Variants in MTRR observed in about 807,000 individuals in gnomAD.
MTRR encodes the protein 5-methyltetrahydrofolate-homocysteine methyltransferase reductase, also known as methionine synthase reductase.
A neutral mutation model predicts 79.2 loss-of-function variants in MTRR; 63 were observed. That is an observed-to-expected ratio of 0.80 (90% CI 0.65 to 0.98). The LOEUF (loss-of-function observed/expected upper bound fraction) is 0.98. MTRR is among the 50% of genes least tolerant of loss of function. The pLI, the probability that MTRR is intolerant of heterozygous loss-of-function variation, is 0.00. For synonymous variants in MTRR, 355 were observed against 313.3 expected, an observed-to-expected ratio of 1.13 and a Z score of -1.41; for missense variants, 895 against 839.6, an observed-to-expected ratio of 1.07 and a Z score of -0.82.
chr5:7,897,309 A>G (rs2126815450), intron 14 of MTRR, 62 bp downstream of exon 14: 3 of 1,551,536 alleles, frequency 1.9e-6, no homozygotes, highest in East Asian at 2.2e-5. Context: ...TGTAGAAGAA[A>G]AAAAGGACCG....
intron 2 of MTRR, among the ~76,000 whole-genome samples, chr5:7,863,480 T>C (rs891750881): frequency 2.6e-5 from 4 of 152,220 alleles, no homozygotes; most frequent in Non-Finnish European, 5.9e-5. Flanking sequence ...AAAATGCTCA[T>C]GAAGCATTCT....
At chr5:7,856,323 A>T (rs1746246240) in intron 1 of MTRR, among the ~76,000 whole-genome samples, 1 of 152,162 alleles carries the variant, frequency 6.6e-6, no homozygotes, top group African/African-American at 2.4e-5. Context: ...GGCTTTAGAG[A>T]ACAAAGTTTC....
At chr5:7,878,389 T>G (rs188011076) in intron 5 of MTRR, 67 bp downstream of exon 5, 8 of 1,584,238 alleles carry the variant, frequency 5.0e-6, no homozygotes, top group Middle Eastern at 3.4e-4. Flanking sequence ...GGCTTTTAAA[T>G]TATTATTACA....
intron 2 of MTRR, among the ~76,000 whole-genome samples, chr5:7,863,918 T>C (rs1746740273): frequency 6.6e-6 from 1 of 152,280 alleles, no homozygotes; most frequent in Middle Eastern, 3.4e-3. Flanking sequence ...TGACGCGACC[T>C]CGGCTCACTG....
At chr5:7,877,383 A>T (rs1047609205) in intron 4 of MTRR, among the ~76,000 whole-genome samples, 1 of 152,150 alleles carries the variant, frequency 6.6e-6, no homozygotes, top group African/African-American at 2.4e-5. Flanking sequence ...CTAAAATAAA[A>T]AAATAAATAA....
chr5:7,879,989 A>C (rs1469571706), intron 5 of MTRR, among the ~76,000 whole-genome samples: 1 of 152,214 alleles, frequency 6.6e-6, no homozygotes, highest in Non-Finnish European at 1.5e-5. Flanking sequence ...ACAGATCCTG[A>C]AGAGACTTAG....
chr5:7,866,100 T>C (rs1216610540), upstream of MTRR: 1 of 734,320 alleles, frequency 1.4e-6, no homozygotes, highest in African/African-American at 1.7e-5. Flanking sequence ...TATTTTTAAA[T>C]GACACTATGA....
At position 7,892,728 on chromosome 5, in the gene MTRR, T is replaced by G; in HGVS notation, c.1372T>G (p.Ser458Ala). ...AAACTTGTCTGTGTATCTTTGCAGC[T>G]CAAGTTTATTTCACCCAGGAAAGCT... ...LQPRPYSCASSSLFHPGKLHF... is the reference protein window; with the variant it reads ...LQPRPYSCASASLFHPGKLHF... The change falls in exon 11 of 15, where the codon TCA (serine) becomes GCA (alanine). Residue 458 changes from serine to alanine, a missense_variant and splice_region_variant. Ser to Ala is a moderately conservative substitution (Grantham distance 99, BLOSUM62 1). Transcript: ENST00000440940. The G allele has an allele frequency of 1.2e-6, 2 of 1,614,208 alleles. No individual in the cohort carries two copies. The highest frequency in any genetic ancestry group is 2.2e-5 in the South Asian group (2 of 91,088).
intron 1 of MTRR, chr5:7,861,876 A>C: frequency 1.2e-6 from 1 of 856,224 alleles, no homozygotes; most frequent in Non-Finnish European, 1.6e-6. Flanking sequence ...AATAACGCTA[A>C]ACCACAGAAT....
exon 1 of MTRR, chr5:7,851,282 C>T (rs1746073393): frequency 5.3e-6 from 2 of 374,406 alleles, no homozygotes; most frequent in Non-Finnish European, 9.4e-6. Context: ...CGGGAGGAGC[C>T]CGACTGGGAG....
At chr5:7,873,756 G>T (rs1351072153) in intron 3 of MTRR, among the ~76,000 whole-genome samples, 1 of 152,146 alleles carries the variant, frequency 6.6e-6, no homozygotes, top group Non-Finnish European at 1.5e-5. Context: ...TTTTAATTAA[G>T]GATGCACCTC....
intron 1 of MTRR, among the ~76,000 whole-genome samples, chr5:7,857,764 T>C (rs1482535132): frequency 6.6e-6 from 1 of 152,164 alleles, no homozygotes; most frequent in African/African-American, 2.4e-5. Context: ...GAGCATTGAG[T>C]GTGCCCAGCG....
chr5:7,878,741 T>G (rs1735005762), intron 5 of MTRR, among the ~76,000 whole-genome samples: 1 of 152,274 alleles, frequency 6.6e-6, no homozygotes, highest in South Asian at 2.1e-4. Flanking sequence ...AGATGAGTTG[T>G]GTGGGCAGTG....
rs550726711 is a variant in MTRR at position 7,880,804 on chromosome 5, G to C, written c.781-2351G>C. On this transcript the variant is annotated intron_variant, in intron 5 of 14. Transcript: ENST00000440940. ...GTCCTGGGCCAGGACGCCATTTACC[G>C]CCTGGCCCCCATGTGCCTTGCTGTC... Among the ~76,000 whole-genome samples the C allele has an allele frequency of 3.3e-5, 5 of 152,252 alleles. No individual in the cohort carries two copies. The East Asian group carries it at 9.7e-4, about 29-fold the overall frequency.
intron 1 of MTRR, among the ~76,000 whole-genome samples, chr5:7,853,822 T>G (rs1005371849): frequency 1.3e-5 from 2 of 152,090 alleles, no homozygotes; most frequent in African/African-American, 4.8e-5. Context: ...GTGTCTTGCC[T>G]CCTTGGTGTC....
At chr5:7,883,761 C>T (rs1735974673) in intron 6 of MTRR, among the ~76,000 whole-genome samples, 1 of 152,108 alleles carries the variant, frequency 6.6e-6, no homozygotes, top group Non-Finnish European at 1.5e-5. Flanking sequence ...GAGATTCAGC[C>T]TGAGAGGAAG....
intron 9 of MTRR, chr5:7,890,447 T>G (rs1176832777): frequency 2.0e-6 from 2 of 976,750 alleles, no homozygotes; most frequent in Non-Finnish European, 2.4e-6. Flanking sequence ...AAAGTTCTCT[T>G]ATCGCATACT....
At chr5:7,857,979 C>T (rs1044944860) in intron 1 of MTRR, among the ~76,000 whole-genome samples, 1 of 152,208 alleles carries the variant, frequency 6.6e-6, no homozygotes, top group Non-Finnish European at 1.5e-5. Flanking sequence ...TTCTTCATAG[C>T]ATTTATAACA....
chr5:7,891,766 G>A (rs1737627439), intron 10 of MTRR, among the ~76,000 whole-genome samples: 1 of 152,172 alleles, frequency 6.6e-6, no homozygotes, highest in African/African-American at 2.4e-5. Flanking sequence ...GATGAGTCCG[G>A]GCGTGGTGAC....
Sources: allele counts gnomAD v4.1 joint callset (sites outside exome capture counted in the v4.1 genomes callset), GRCh38; gene constraint gnomAD v4.1.1; transcripts MANE v1.5; gene names NCBI Gene and HGNC (gene_info 2026-07-23, HGNC 2026-07-21).